TRIM16: variants seen among roughly 807,000 people sequenced by gnomAD.
TRIM16 encodes tripartite motif-containing protein 16.
TRIM16 carries 33 observed loss-of-function variants against 50.4 expected under a neutral mutation model. The observed-to-expected ratio is 0.65, with a 90% CI of 0.50 to 0.88. TRIM16 has a LOEUF of 0.88. TRIM16 is among the 40% of genes least tolerant of loss of function. The pLI is 0.00. For missense variants in TRIM16, 581 were observed against 686.8 expected, an observed-to-expected ratio of 0.85 and a Z score of 1.72; for synonymous variants, 229 against 270.7, an observed-to-expected ratio of 0.85 and a Z score of 1.51.
At chr17:15,666,076 C>T (rs1295667283) in intron 6 of TRIM16, among the ~76,000 whole-genome samples, 3 of 152,290 alleles carry the variant, frequency 2.0e-5, no homozygotes, top group Non-Finnish European at 1.5e-5. Flanking sequence ...TCACACATCT[C>T]CAAACCCTTT....
chr17:15,683,143 G>A lies in TRIM16; in HGVS notation c.-884C>T, dbSNP rs1423073971. On this transcript the variant is annotated 5_prime_UTR_variant, in exon 2 of 12. Coordinates refer to ENST00000649191, the MANE Select transcript of TRIM16 (RefSeq NM_001348119.1). ...CCACGTATCTTCCTGGAAATTGCCA[G>A]CATTCTACCAGAAACTGTGGTAAGA... is the stretch of plus-strand genomic sequence containing the variant. The A allele has an allele frequency of 5.2e-6, 8 of 1,548,768 alleles. No homozygotes were observed. The highest frequency in any genetic ancestry group is 7.0e-6 in the Non-Finnish European group (8 of 1,145,836).
Position 15,651,549 on chromosome 17 carries a change from C to G in TRIM16, c.61G>C (p.Ala21Pro). 6.2e-7 allele frequency: 1 copy of G among 1,613,976 alleles called. No homozygotes were observed. The highest frequency in any genetic ancestry group is 8.5e-7 in the Non-Finnish European group (1 of 1,179,908). The change falls in exon 7 of 12, where the codon GCC becomes CCC. Residue 21 changes from alanine to proline, a missense_variant. Physicochemically the swap from Ala to Pro is conservative, Grantham distance 27 (BLOSUM62 -1). Coordinates refer to ENST00000649191, the MANE Select transcript of TRIM16 (RefSeq NM_001348119.1). ...GACCCAGAGTCTGGGCTGAGAGGGG[C>G]TGGGGGCTGAGCAGTGGCCCTGGGC... ...PLPRATAQPP[A>P]PLSPDSGSPS...
At chr17:15,650,860 C>T (rs140881045) in intron 7 of TRIM16, among the ~76,000 whole-genome samples, 152 of 152,278 alleles carry the variant, frequency 1.0e-3, no homozygotes, top group Middle Eastern at 6.8e-3. Flanking sequence ...ACAGAGATCG[C>T]ACAGAGACAG....
chr17:15,649,889 G>C (rs536016199), intron 7 of TRIM16, among the ~76,000 whole-genome samples: 1 of 152,328 alleles, frequency 6.6e-6, no homozygotes, highest in African/African-American at 2.4e-5. Context: ...GCAATACTCA[G>C]TGAAGGCTAT....
chr17:15,680,814 C>A (rs1989154319), intron 4 of TRIM16, 51 bp downstream of exon 4: 1 of 1,507,788 alleles, frequency 6.6e-7, no homozygotes, highest in Non-Finnish European at 8.8e-7. Context: ...GGAAAATCCC[C>A]AACTCAATTA....
chr17:15,638,618 C>G (rs897463972), intron 8 of TRIM16, among the ~76,000 whole-genome samples: 1 of 149,236 alleles, frequency 6.7e-6, no homozygotes, highest in African/African-American at 2.5e-5. Flanking sequence ...TAAGGGCCAG[C>G]TCTGAACATC....
At chr17:15,653,311 A>G (rs1418528420) in intron 6 of TRIM16, among the ~76,000 whole-genome samples, 1 of 152,170 alleles carries the variant, frequency 6.6e-6, no homozygotes, top group East Asian at 1.9e-4. Flanking sequence ...CAAAACCGTG[A>G]GCCAAAAGAT....
intron 8 of TRIM16, among the ~76,000 whole-genome samples, chr17:15,641,241 A>C (rs1987103073): frequency 6.7e-6 from 1 of 148,408 alleles, no homozygotes; most frequent in Non-Finnish European, 1.5e-5. Context: ...GATGACAAGC[A>C]GAAACAGTAC....
chr17:15,632,384 G>T (rs1405553790), intron 10 of TRIM16, 125 bp downstream of exon 10: 7 of 1,280,958 alleles, frequency 5.5e-6, no homozygotes, highest in Admixed American at 2.6e-5. Context: ...CACAGAAAAA[G>T]AAAAAAAAAA....
At chr17:15,680,817 C>T (rs1390350220) in intron 4 of TRIM16, 48 bp downstream of exon 4, 35 of 1,509,382 alleles carry the variant, frequency 2.3e-5, no homozygotes, top group Non-Finnish European at 2.9e-5. Context: ...AAATCCCCAA[C>T]TCAATTAAAA....
chr17:15,676,474 A>C (rs1175073167), intron 6 of TRIM16, among the ~76,000 whole-genome samples: 1 of 139,616 alleles, frequency 7.2e-6, no homozygotes, highest in Non-Finnish European at 1.5e-5. Context: ...TCGCTCTGTC[A>C]CCCAGGCTGG....
Position 15,677,224 on chromosome 17 carries a change from G to A in TRIM16, c.-386C>T, listed in dbSNP as rs1246157165. On this transcript the variant is annotated 5_prime_UTR_variant, in exon 6 of 12. Transcript: ENST00000649191. ...TCTCCCTCCTGCATTTGTGTTCGTG[G>A]GCTTACCACTTCTTCCAACTAGGAG... The A allele has an allele frequency of 1.0e-6, 1 of 985,182 alleles. No individual in the cohort carries two copies. The highest frequency in any genetic ancestry group is 1.2e-6 in the Non-Finnish European group (1 of 829,938). 61.0% of individuals were successfully genotyped at this position (985,182 alleles called of 1,614,324 possible).
chr17:15,652,484 G>GTTTT, intron 6 of TRIM16, among the ~76,000 whole-genome samples: 1 of 56,750 alleles, frequency 1.8e-5, no homozygotes, highest in East Asian at 6.3e-4. Context: ...TTTTTTTTGA[G>GTTTT]ACACAGTCTC....
intron 6 of TRIM16, among the ~76,000 whole-genome samples, chr17:15,655,875 G>A (rs767624976): frequency 7.2e-5 from 11 of 152,160 alleles, no homozygotes; most frequent in Non-Finnish European, 1.6e-4. Flanking sequence ...CGCCCAACGC[G>A]TGTCCCCACT....
chr17:15,680,470 A>C (rs1292143182), intron 4 of TRIM16, among the ~76,000 whole-genome samples: 4 of 152,110 alleles, frequency 2.6e-5, no homozygotes. Flanking sequence ...TATCTATGCC[A>C]AATGTCTCAA....
Position 15,651,692 on chromosome 17 carries a change from G to A in TRIM16, c.-83C>T, listed in dbSNP as rs889067428. The A allele has an allele frequency of 1.2e-5, 19 of 1,552,994 alleles. No individual in the cohort carries two copies. The highest frequency in any genetic ancestry group is 8.2e-5 in the South Asian group (7 of 85,482). ...AGCCCAAGTCAGACAAGAGAACCAC[G>A]CCTAGATGATTGCAGCTGCTGCAAG... On this transcript the variant is annotated 5_prime_UTR_variant, in exon 7 of 12. Coordinates refer to ENST00000649191, the MANE Select transcript of TRIM16 (RefSeq NM_001348119.1).
chr17:15,681,390 GA>G lies in TRIM16; in HGVS notation c.-678-438del, dbSNP rs1989176396. ...GCCCACCCCAGCAGTCATGGTCACA[GA>G]CACCTTTAGCCACCCCATCGTGAGT... is the stretch of plus-strand genomic sequence containing the variant. On this transcript the variant is annotated intron_variant, in intron 3 of 11. Coordinates refer to ENST00000649191, the MANE Select transcript of TRIM16 (RefSeq NM_001348119.1). Among the ~76,000 whole-genome samples, 3 of 152,340 alleles carry G rather than the reference GA, an allele frequency of 2.0e-5. No homozygotes were observed. The South Asian group carries it at 6.2e-4, about 32-fold the overall frequency.
intron 6 of TRIM16, among the ~76,000 whole-genome samples, chr17:15,653,905 CAA>C (rs1405066082): frequency 6.6e-6 from 1 of 152,144 alleles, no homozygotes; most frequent in Non-Finnish European, 1.5e-5. Context: ...ACCTGAACCC[CAA>C]ATTCTAGAGC....
At chr17:15,683,007 T>C (rs528978569) in intron 2 of TRIM16, 29 bp downstream of exon 2, 13 of 1,550,454 alleles carry the variant, frequency 8.4e-6, no homozygotes, top group East Asian at 2.4e-5. Flanking sequence ...TCTTGGCTAA[T>C]GGCAGGACCC....
Sources: allele counts gnomAD v4.1 joint callset (sites outside exome capture counted in the v4.1 genomes callset), GRCh38; gene constraint gnomAD v4.1.1; transcripts MANE v1.5; gene names NCBI Gene and HGNC (gene_info 2026-07-23, HGNC 2026-07-21).